PTPN9: variants seen among roughly 807,000 people sequenced by gnomAD.
The protein encoded by PTPN9 is tyrosine-protein phosphatase non-receptor type 9.
Under a neutral mutation model 69.8 loss-of-function variants are expected in PTPN9, and 26 were observed. The observed-to-expected ratio is 0.37, with a 90% CI of 0.27 to 0.52. The LOEUF is 0.52. PTPN9 is among the 20% of genes least tolerant of loss of function. The pLI is 0.91. For missense variants in PTPN9, 549 were observed against 740.3 expected, an observed-to-expected ratio of 0.74 and a Z score of 3.00; for synonymous variants, 274 against 272.5, an observed-to-expected ratio of 1.01 and a Z score of -0.05.
intron 1 of PTPN9, among the ~76,000 whole-genome samples, chr15:75,556,383 T>C (rs1320896482): frequency 1.4e-5 from 2 of 147,308 alleles, no homozygotes; most frequent in South Asian, 2.2e-4. Flanking sequence ...TATTATTTTA[T>C]TATTATTATT....
chr15:75,508,039 C>CAAAA (rs990909256), intron 6 of PTPN9, among the ~76,000 whole-genome samples: 14 of 37,370 alleles, frequency 3.7e-4, no homozygotes, highest in African/African-American at 7.9e-4. Flanking sequence ...GAGACACTCT[C>CAAAA]AAAAAAAAAA....
At chr15:75,470,325 T>C (rs1398452581) in intron 11 of PTPN9, among the ~76,000 whole-genome samples, 1 of 152,192 alleles carries the variant, frequency 6.6e-6, no homozygotes, top group Non-Finnish European at 1.5e-5. Flanking sequence ...CCAGCTAATT[T>C]GTTCTATGTT....
At chr15:75,499,673 C>T (rs972415487) in intron 7 of PTPN9, among the ~76,000 whole-genome samples, 4 of 151,592 alleles carry the variant, frequency 2.6e-5, no homozygotes, top group Admixed American at 6.6e-5. Context: ...CAAAGTGCTG[C>T]GATTACAGGC....
Position 75,470,703 on chromosome 15 carries a change from T to C in PTPN9, c.1336A>G (p.Thr446Ala), listed in dbSNP as rs150528240. The change falls in exon 11 of 13, where the codon ACG (threonine) becomes GCG (alanine). Residue 446 changes from threonine (T) to alanine (A), a missense_variant. Physicochemically the swap from Thr to Ala is moderately conservative, Grantham distance 58. Transcript: ENST00000618819. Reference sequence around the variant, plus strand: ...ACCTCTGTGTTGTGAATTTCTAGCGTTGTTTTCTTATAATGATTCATGTTC... The same window carrying C: ...ACCTCTGTGTTGTGAATTTCTAGCGCTGTTTTCTTATAATGATTCATGTTC... ...VENMNHYKKT[T>A]LEIHNTEERQ... The C allele has an allele frequency of 3.8e-4, 614 of 1,614,044 alleles. No individual in the cohort carries two copies. Among genetic ancestry groups the C allele is most frequent in the Non-Finnish European group, 5.0e-4 (586 of 1,180,020 alleles).
chr15:75,520,386 G>C (rs1301630945), intron 4 of PTPN9, among the ~76,000 whole-genome samples: 1 of 151,876 alleles, frequency 6.6e-6, no homozygotes, highest in East Asian at 1.9e-4. Context: ...CTCATCCTGT[G>C]AAGGCACATA....
intron 7 of PTPN9, among the ~76,000 whole-genome samples, chr15:75,496,280 TAAAAA>T (rs748668415): frequency 7.2e-6 from 1 of 138,566 alleles, no homozygotes; most frequent in Non-Finnish European, 1.6e-5. Context: ...TTCTAAAAAT[TAAAAA>T]AAAAAAAAAA....
At chr15:75,482,287 C>T (rs1355175218) in intron 8 of PTPN9, among the ~76,000 whole-genome samples, 26 of 152,128 alleles carry the variant, frequency 1.7e-4, no homozygotes, top group Admixed American at 1.5e-3. Flanking sequence ...ATCACCAGGC[C>T]GGGCGCGGTG....
chr15:75,469,159 G>T (rs1157969459), intron 12 of PTPN9, among the ~76,000 whole-genome samples, 176 bp from the exon 13 acceptor site: 2 of 152,238 alleles, frequency 1.3e-5, no homozygotes, highest in Non-Finnish European at 2.9e-5. Context: ...AGTGTTGGAG[G>T]CCAGAGAAAT....
intron 12 of PTPN9, 74 bp downstream of exon 12, chr15:75,469,718 G>A (rs62029743): frequency 1.3e-6 from 2 of 1,494,940 alleles, no homozygotes; most frequent in Non-Finnish European, 9.3e-7. Context: ...CACAGATGTG[G>A]GCTAAGAGCT....
At chr15:75,506,472 C>T (rs1243923779) in intron 6 of PTPN9, among the ~76,000 whole-genome samples, 2 of 152,106 alleles carry the variant, frequency 1.3e-5, no homozygotes, top group Non-Finnish European at 2.9e-5. Context: ...TCTATGAAAG[C>T]AAGACACCCA....
At chr15:75,509,496 C>T in intron 5 of PTPN9, among the ~76,000 whole-genome samples, 1 of 152,172 alleles carries the variant, frequency 6.6e-6, no homozygotes, top group Middle Eastern at 3.2e-3. Context: ...CAAGACCAGC[C>T]TGGCCAACAT....
At chr15:75,517,839 G>A (rs975986553) in intron 4 of PTPN9, among the ~76,000 whole-genome samples, 1 of 152,102 alleles carries the variant, frequency 6.6e-6, no homozygotes, top group Non-Finnish European at 1.5e-5. Flanking sequence ...TCTCCTAAAG[G>A]ACAAGAACTT....
intron 9 of PTPN9, among the ~76,000 whole-genome samples, chr15:75,478,075 G>C (rs1019472535): frequency 6.6e-6 from 1 of 151,954 alleles, no homozygotes; most frequent in African/African-American, 2.4e-5. Flanking sequence ...TCCTGACCTT[G>C]TGATCCGCCT....
chr15:75,513,631 G>A (rs1417768694), intron 5 of PTPN9, among the ~76,000 whole-genome samples: 1 of 152,016 alleles, frequency 6.6e-6, no homozygotes, highest in Non-Finnish European at 1.5e-5. Flanking sequence ...GCCGAGTGTG[G>A]TGATGAGCAC....
At chr15:75,544,472 G>A (rs760651881) in intron 1 of PTPN9, among the ~76,000 whole-genome samples, 5 of 152,180 alleles carry the variant, frequency 3.3e-5, no homozygotes, top group Non-Finnish European at 7.3e-5. Context: ...CAAGTCTACA[G>A]TGAGCTGTGA....
At chr15:75,510,345 A>C (rs1398865619) in intron 5 of PTPN9, among the ~76,000 whole-genome samples, 1 of 152,166 alleles carries the variant, frequency 6.6e-6, no homozygotes, top group Non-Finnish European at 1.5e-5. Flanking sequence ...TCCCAGGCTC[A>C]AATGATCCTC....
intron 4 of PTPN9, among the ~76,000 whole-genome samples, chr15:75,518,821 GAAA>G (rs57367538): frequency 2.2e-3 from 287 of 133,262 alleles, no homozygotes; most frequent in African/African-American, 5.9e-3. Flanking sequence ...CATCTCAGGG[GAAA>G]AAAAAAAAAA....
At chr15:75,486,003 G>C (rs955717510) in intron 8 of PTPN9, among the ~76,000 whole-genome samples, 2 of 151,534 alleles carry the variant, frequency 1.3e-5, no homozygotes, top group Non-Finnish European at 2.9e-5. Flanking sequence ...GGGAGGCTGA[G>C]GCAGGAGAAT....
chr15:75,571,495 C>T (rs530634396), intron 1 of PTPN9, among the ~76,000 whole-genome samples: 3 of 152,140 alleles, frequency 2.0e-5, no homozygotes, highest in Admixed American at 2.0e-4. Flanking sequence ...TGGTGGCTCA[C>T]GCCTGTACTC....
Sources: allele counts gnomAD v4.1 joint callset (sites outside exome capture counted in the v4.1 genomes callset), GRCh38; gene constraint gnomAD v4.1.1; transcripts MANE v1.5; gene names NCBI Gene and HGNC (gene_info 2026-07-23, HGNC 2026-07-21).